PTPRD: variants seen among roughly 807,000 people sequenced by gnomAD.
The protein encoded by PTPRD is protein tyrosine phosphatase receptor type D.
A neutral mutation model predicts 214.5 loss-of-function variants in PTPRD; 34 were observed. The observed-to-expected ratio is 0.16, with a 90% CI of 0.12 to 0.21. The LOEUF is 0.21. Ranked by LOEUF, PTPRD falls within the 10% of genes least tolerant of loss-of-function variation. The probability of loss-of-function intolerance (pLI) is 1.00; values close to 1 mark genes in which losing one functional copy is unlikely to be tolerated. For missense variants in PTPRD, 2,545 were observed against 2,398.7 expected (o/e 1.06, Z -1.27); for synonymous variants, 1,128 against 845.7 (o/e 1.33, Z -5.79).
chr9:10,265,097 G>C (rs1384964107), intron 3 of PTPRD, among the ~76,000 whole-genome samples: 1 of 151,986 alleles, frequency 6.6e-6, no homozygotes, highest in Non-Finnish European at 1.5e-5. Flanking sequence ...CTCAGTCTGG[G>C]GTATGTCTTT....
At position 8,322,716 on chromosome 9, in the gene PTPRD, T is replaced by C. The variant is rs773542320; in HGVS notation, c.5535-2750A>G. ...TATCCAGAATATCTAGCTAAGATCA[T>C]TGATGAAGGTGGCTACATTAAAAAA... On this transcript the variant is annotated intron_variant, in intron 44 of 45. Transcript: ENST00000381196. Among the ~76,000 whole-genome samples, 7 of 152,298 alleles carry C rather than the reference T, an allele frequency of 4.6e-5. No homozygotes were observed. In the East Asian group the frequency reaches 5.8e-4, roughly 13 times the overall value.
chr9:10,473,250 T>G (rs1272206855), intron 2 of PTPRD, among the ~76,000 whole-genome samples: 2 of 152,006 alleles, frequency 1.3e-5, no homozygotes, highest in African/African-American at 2.4e-5. Context: ...CATGGAGAGG[T>G]AGATATGACT....
intron 7 of PTPRD, among the ~76,000 whole-genome samples, chr9:9,708,920 T>G (rs1195502455): frequency 6.6e-6 from 1 of 152,046 alleles, no homozygotes; most frequent in Non-Finnish European, 1.5e-5. Flanking sequence ...CCTTCCATTT[T>G]GTTAATCACA....
chr9:8,448,693 G>A (rs1376756133), intron 34 of PTPRD, among the ~76,000 whole-genome samples: 1 of 152,104 alleles, frequency 6.6e-6, no homozygotes, highest in African/African-American at 2.4e-5. Flanking sequence ...CAATTGAAGA[G>A]TTACTAGTTA....
At chr9:9,063,073 C>A (rs2099710592) in intron 10 of PTPRD, among the ~76,000 whole-genome samples, 1 of 152,082 alleles carries the variant, frequency 6.6e-6, no homozygotes, top group Admixed American at 6.6e-5. Flanking sequence ...GGAATGCTAG[C>A]CTGGATACCT....
At chr9:10,172,590 C>A (rs945448982) in intron 3 of PTPRD, among the ~76,000 whole-genome samples, 4 of 152,112 alleles carry the variant, frequency 2.6e-5, no homozygotes, top group African/African-American at 7.2e-5. Flanking sequence ...ACATTTGATG[C>A]GGCTGGTTAA....
intron 35 of PTPRD, 34 bp downstream of exon 35, chr9:8,436,558 G>T: frequency 6.7e-7 from 1 of 1,500,826 alleles, no homozygotes; most frequent in Non-Finnish European, 9.3e-7. Flanking sequence ...AGTAACTCTT[G>T]AAATTACTGT....
intron 8 of PTPRD, among the ~76,000 whole-genome samples, chr9:9,499,237 T>C (rs1337037671): frequency 6.6e-6 from 1 of 152,142 alleles, no homozygotes; most frequent in Non-Finnish European, 1.5e-5. Context: ...AGACGTATGA[T>C]GTTATCCCCT....
At chr9:9,667,848 T>C (rs1320819163) in intron 7 of PTPRD, among the ~76,000 whole-genome samples, 3 of 152,148 alleles carry the variant, frequency 2.0e-5, no homozygotes, top group Non-Finnish European at 4.4e-5. Context: ...TTGTCAAGCA[T>C]CCTTGGTGAC....
chr9:8,710,580 C>T (rs2098311490), intron 12 of PTPRD, among the ~76,000 whole-genome samples: 1 of 152,110 alleles, frequency 6.6e-6, no homozygotes, highest in Admixed American at 6.5e-5. Flanking sequence ...TGTGCCACTG[C>T]ACTCCAGTCT....
intron 8 of PTPRD, among the ~76,000 whole-genome samples, chr9:9,458,695 C>CT (rs2093336730): frequency 6.6e-6 from 1 of 152,036 alleles, no homozygotes; most frequent in Non-Finnish European, 1.5e-5. Context: ...AATCCCAGCA[C>CT]TTTGGGAGGT....
chr9:10,374,536 C>T (rs527276593), intron 2 of PTPRD, among the ~76,000 whole-genome samples: 1 of 152,088 alleles, frequency 6.6e-6, no homozygotes, highest in Admixed American at 6.6e-5. Flanking sequence ...AGGAGCCACA[C>T]TCAGATGCCT....
intron 4 of PTPRD, among the ~76,000 whole-genome samples, chr9:10,020,249 C>G (rs1589085642): frequency 6.6e-6 from 1 of 152,308 alleles, no homozygotes; most frequent in Admixed American, 6.5e-5. Context: ...CAATTTGGCA[C>G]CGCACAATAC....
chr9:9,200,612 T>G (rs559907008), intron 9 of PTPRD, among the ~76,000 whole-genome samples: 1 of 152,352 alleles, frequency 6.6e-6, no homozygotes, highest in African/African-American at 2.4e-5. Flanking sequence ...GACTGTCTGT[T>G]GCAGATTTCA....
chr9:9,628,304 C>T (rs1365462650), intron 7 of PTPRD, among the ~76,000 whole-genome samples: 1 of 152,204 alleles, frequency 6.6e-6, no homozygotes, highest in African/African-American at 2.4e-5. Flanking sequence ...TTTGCTCTTA[C>T]AGGGGCTTAT....
chr9:9,955,611 C>T (rs781506256), intron 4 of PTPRD, among the ~76,000 whole-genome samples: 3 of 151,674 alleles, frequency 2.0e-5, no homozygotes, highest in South Asian at 2.1e-4. Context: ...GCAAGCTCCG[C>T]CTCCCAGGTT....
At chr9:8,961,854 G>C (rs1355812433) in intron 11 of PTPRD, among the ~76,000 whole-genome samples, 3 of 151,962 alleles carry the variant, frequency 2.0e-5, no homozygotes, top group Non-Finnish European at 4.4e-5. Context: ...TGACAGTTTA[G>C]AAAACATTCA....
intron 7 of PTPRD, among the ~76,000 whole-genome samples, chr9:9,689,351 C>T (rs1020325341): frequency 2.5e-4 from 38 of 151,610 alleles, no homozygotes; most frequent in African/African-American, 8.5e-4. Flanking sequence ...GAATTAATGT[C>T]AATTAAATAT....
chr9:9,333,166 T>C (rs1428720728), intron 9 of PTPRD, among the ~76,000 whole-genome samples: 1 of 151,812 alleles, frequency 6.6e-6, no homozygotes, highest in African/African-American at 2.4e-5. Context: ...TTGAGAGAGA[T>C]AATATAGAAT....
Sources: allele counts gnomAD v4.1 joint callset (sites outside exome capture counted in the v4.1 genomes callset), GRCh38; gene constraint gnomAD v4.1.1; transcripts MANE v1.5; gene names NCBI Gene and HGNC (gene_info 2026-07-23, HGNC 2026-07-21).